The following KIF26B variants were observed in gnomAD, a reference collection of about 807,000 sequenced individuals.
KIF26B encodes the protein kinesin family member 26B.
Under a neutral mutation model 151.2 loss-of-function variants are expected in KIF26B, and 63 were observed. The observed-to-expected ratio is 0.42, with a 90% confidence interval of 0.34 to 0.51. The LOEUF (loss-of-function observed/expected upper bound fraction) is 0.51, where lower values mean the gene tolerates loss of function less well. Ranked by LOEUF, KIF26B falls within the 20% of genes least tolerant of loss-of-function variation. KIF26B has a pLI of 0.07. For synonymous variants in KIF26B, 1,357 were observed against 1,262.1 expected (o/e 1.08, Z -1.59); for missense variants, 2,813 against 2,913.6 (o/e 0.97, Z 0.79).
chr1:245,440,780 A>C (rs1386252940), intron 4 of KIF26B, among the ~76,000 whole-genome samples: 1 of 152,256 alleles, frequency 6.6e-6, no homozygotes, highest in Non-Finnish European at 1.5e-5. Context: ...ATCAGCTGCC[A>C]TAAAAGCTTG....
intron 4 of KIF26B, among the ~76,000 whole-genome samples, chr1:245,420,973 T>C (rs1658471965): frequency 6.6e-6 from 1 of 152,086 alleles, no homozygotes; most frequent in Non-Finnish European, 1.5e-5. Flanking sequence ...AGGGTCTTCA[T>C]TGTATTTTGG....
intron 2 of KIF26B, among the ~76,000 whole-genome samples, chr1:245,269,095 A>G (rs1052667858): frequency 2.6e-5 from 4 of 152,206 alleles, no homozygotes; most frequent in African/African-American, 9.6e-5. Flanking sequence ...AAAGTGTACA[A>G]TACAATATTG....
intron 9 of KIF26B, among the ~76,000 whole-genome samples, chr1:245,619,729 G>A (rs551771515): frequency 7.9e-5 from 12 of 151,644 alleles, no homozygotes; most frequent in South Asian, 2.1e-4. Context: ...CGTGGCCAAC[G>A]TAGTGAAACC....
intron 2 of KIF26B, among the ~76,000 whole-genome samples, chr1:245,346,282 A>G (rs1047303519): frequency 6.6e-6 from 1 of 152,006 alleles, no homozygotes; most frequent in Non-Finnish European, 1.5e-5. Flanking sequence ...ACAGACTAAT[A>G]CAGTCCCTTT....
chr1:245,406,245 C>T (rs1011652326), intron 3 of KIF26B, among the ~76,000 whole-genome samples: 1 of 152,174 alleles, frequency 6.6e-6, no homozygotes, highest in African/African-American at 2.4e-5. Flanking sequence ...TTGTTGCTCC[C>T]ACCAAGCCAG....
intron 2 of KIF26B, among the ~76,000 whole-genome samples, chr1:245,236,962 T>C (rs916354263): frequency 6.6e-6 from 1 of 152,194 alleles, no homozygotes; most frequent in Non-Finnish European, 1.5e-5. Context: ...TAAAGTGACT[T>C]GTCTGAAATT....
intron 4 of KIF26B, among the ~76,000 whole-genome samples, chr1:245,469,236 T>G (rs1659856452): frequency 6.6e-6 from 1 of 151,940 alleles, no homozygotes; most frequent in Non-Finnish European, 1.5e-5. Flanking sequence ...ACAGCGTCAC[T>G]TGGGGAGAAT....
At chr1:245,266,720 T>G (rs1670753658) in intron 2 of KIF26B, among the ~76,000 whole-genome samples, 1 of 152,160 alleles carries the variant, frequency 6.6e-6, no homozygotes, top group Non-Finnish European at 1.5e-5. Flanking sequence ...TTGGTCAGCC[T>G]GGTCTTGAAC....
chr1:245,324,207 A>G (rs72761136), intron 2 of KIF26B, among the ~76,000 whole-genome samples: 5,518 of 149,780 alleles, frequency 0.037, 196 homozygotes, highest in Non-Finnish European at 0.057. Context: ...TCTGCCATGC[A>G]TGGTTGGAGG....
intron 9 of KIF26B, among the ~76,000 whole-genome samples, chr1:245,637,370 T>A (rs1416847669): frequency 6.6e-6 from 1 of 151,930 alleles, no homozygotes; most frequent in East Asian, 1.9e-4. Flanking sequence ...ATCTGGGGGG[T>A]TTTGGCCCAT....
chr1:245,390,927 A>AC lies in KIF26B; in HGVS notation c.999+23560_999+23561insC, dbSNP rs1174395368. Among the ~76,000 whole-genome samples, 27 of 135,464 alleles carry AC rather than the reference A, an allele frequency of 2.0e-4. 2 individuals are homozygous for AC. The highest frequency in any genetic ancestry group is 7.2e-3 in the Middle Eastern group (2 of 278). The allele number at this position is 135,464 out of a possible 152,430, so 88.9% of individuals were successfully genotyped here. A position where few individuals can be genotyped will look rare whatever the true frequency, so the allele number is the denominator to read the frequency against. Reference sequence around the variant, plus strand: ...ATATAACAAGACCCTGTCTCAAAAAAAAAAAAAAAAAAAAAAAAAAAAAAA... The same window carrying AC: ...ATATAACAAGACCCTGTCTCAAAAAACAAAAAAAAAAAAAAAAAAAAAAAAA... On this transcript the variant is annotated intron_variant, in intron 3 of 14. Transcript: ENST00000407071.
In KIF26B at chr1:245,540,736, T is replaced by C; in HGVS notation, c.1167-31T>C. 6.3e-7 allele frequency: 1 copy of C among 1,583,766 alleles called. No homozygotes were observed. Among genetic ancestry groups the C allele is most frequent in the Non-Finnish European group, 8.7e-7 (1 of 1,152,508 alleles). ...CTAGCAGATCTGATCGTACAATCAT[T>C]TTCCCCTTATTGTTCCTTTTTCCAC... On this transcript the variant is annotated intron_variant, in intron 4 of 14. Transcript: ENST00000407071. The surrounding 1 kb of genome is among the most constrained non-coding windows in gnomAD (Gnocchi z 4.6).
chr1:245,645,211 T>C (rs1247116091), intron 9 of KIF26B, among the ~76,000 whole-genome samples: 1 of 152,088 alleles, frequency 6.6e-6, no homozygotes, highest in Non-Finnish European at 1.5e-5. Context: ...ATTCTCAGTG[T>C]TGGAACCTGC....
Position 245,674,562 on chromosome 1 carries a change from A to G in KIF26B, c.2259-9671A>G, listed in dbSNP as rs186173636. Among the ~76,000 whole-genome samples the G allele has an allele frequency of 2.4e-3, 370 of 152,322 alleles. 1 individual carries two copies. The highest frequency in any genetic ancestry group is 6.8e-3 in the Middle Eastern group (2 of 294). On this transcript the variant is annotated intron_variant, in intron 10 of 14. Coordinates refer to ENST00000407071, the MANE Select transcript of KIF26B (RefSeq NM_018012.4). The stretch of plus-strand genomic sequence containing the variant: ...CAGTCTATTGATTCAGGAGAAATCT[A>G]TGGATCTATTATTTTCTATTTGTCT...
intron 2 of KIF26B, among the ~76,000 whole-genome samples, chr1:245,287,986 A>G (rs1344818511): frequency 6.6e-6 from 1 of 152,168 alleles, no homozygotes; most frequent in Non-Finnish European, 1.5e-5. Context: ...GCTTAAAAAA[A>G]AAAAGAACAG....
chr1:245,158,397 A>T (rs755180523), intron 2 of KIF26B, among the ~76,000 whole-genome samples: 9 of 152,246 alleles, frequency 5.9e-5, no homozygotes, highest in Non-Finnish European at 1.3e-4. Context: ...TTTTATAGAA[A>T]CAGCCTGGAA....
At chr1:245,408,984 C>A (rs1397788338) in intron 3 of KIF26B, among the ~76,000 whole-genome samples, 1 of 152,212 alleles carries the variant, frequency 6.6e-6, no homozygotes, top group Non-Finnish European at 1.5e-5. Context: ...TAATGATGAT[C>A]TATGAGCCCA....
chr1:245,564,083 A>G lies in KIF26B; in HGVS notation c.1350+23133A>G, dbSNP rs1443991816. On this transcript the variant is annotated intron_variant, in intron 5 of 14. Transcript: ENST00000407071. This position sits in a 1 kb window ranked among gnomAD's most constrained non-coding sequence, Gnocchi z 4.6. ...CTGAGCTCGACACAGTCCAATCCCA[A>G]GTACCAGTCAGGCTCCCACCGTCCC... Among the ~76,000 whole-genome samples, 1 of 151,890 alleles carries G rather than the reference A, an allele frequency of 6.6e-6. No individual in the cohort carries two copies. Among genetic ancestry groups the G allele is most frequent in the East Asian group, 1.9e-4 (1 of 5,188 alleles).
In KIF26B at chr1:245,355,314, C is replaced by T. The variant is rs1449711498; in HGVS notation, c.466-11520C>T. ...GCATCCCTGGCCTCTACTCACTAGA[C>T]GTCAGTAGCCCTCTCCCAGTTATGA... On this transcript the variant is annotated intron_variant, in intron 2 of 14. Coordinates refer to ENST00000407071, the MANE Select transcript of KIF26B (RefSeq NM_018012.4). Among the ~76,000 whole-genome samples the T allele has an allele frequency of 2.6e-5, 4 of 152,160 alleles. No homozygotes were observed. The East Asian group carries it at 5.8e-4, about 22-fold the overall frequency.
Sources: gnomAD v4.1 joint callset for allele counts (sites outside exome capture counted in the v4.1 genomes callset) on GRCh38, gnomAD v4.1.1 for gene constraint, Gnocchi (gnomAD v3.1) non-coding constraint, MANE v1.5 for transcripts, NCBI Gene and HGNC (gene_info 2026-07-23, HGNC 2026-07-21) for gene names.